COPZ1: variants seen among roughly 807,000 people sequenced by gnomAD.
The protein encoded by COPZ1 is coat protein complex I subunit zeta 1, also known as coatomer subunit zeta-1.
A neutral mutation model predicts 31.7 loss-of-function variants in COPZ1; 4 were observed. The ratio of observed to expected loss-of-function variants is 0.13; its 90% CI spans 0.06 to 0.29. The LOEUF is 0.29. Ranked by LOEUF, COPZ1 falls within the 10% of genes least tolerant of loss-of-function variation. The pLI is 1.00. For missense variants in COPZ1, 156 were observed against 211.5 expected (o/e 0.74, Z 1.63); for synonymous variants, 74 against 79.0 (o/e 0.94, Z 0.33).
intron 1 of COPZ1, among the ~76,000 whole-genome samples, chr12:54,336,049 G>GT (rs1466772100): frequency 4.6e-5 from 7 of 152,170 alleles, no homozygotes; most frequent in South Asian, 4.2e-4. Flanking sequence ...AGGCTTCTTG[G>GT]TTTTTTCCCC....
intron 1 of COPZ1, among the ~76,000 whole-genome samples, chr12:54,331,173 C>CTTTTT (rs1000222358): frequency 6.2e-4 from 50 of 80,278 alleles, no homozygotes; most frequent in South Asian, 8.8e-4. Flanking sequence ...TTTTCACACT[C>CTTTTT]TTTTTTTTTT....
At chr12:54,342,851 T>G (rs1311337678) in intron 3 of COPZ1, among the ~76,000 whole-genome samples, 2 of 128,158 alleles carry the variant, frequency 1.6e-5, no homozygotes, top group Admixed American at 8.9e-5. Flanking sequence ...TGGTAACGCC[T>G]TCTTTTTTTT....
At chr12:54,349,027 G>A (rs1954106192) in intron 7 of COPZ1, among the ~76,000 whole-genome samples, 1 of 152,188 alleles carries the variant, frequency 6.6e-6, no homozygotes, top group African/African-American at 2.4e-5. Flanking sequence ...AAGGCTGACA[G>A]TGCTTGGTAA....
At chr12:54,340,311 CTG>C (rs1314497099) in intron 1 of COPZ1, 68 of 565,924 alleles carry the variant, frequency 1.2e-4, no homozygotes, top group Non-Finnish European at 1.7e-4. Flanking sequence ...GTCAGAGAAA[CTG>C]TTTCTCTGAT....
intron 4 of COPZ1, 127 bp downstream of exon 4, chr12:54,343,443 G>C (rs1004060050): frequency 3.1e-5 from 23 of 735,480 alleles, no homozygotes; most frequent in Non-Finnish European, 4.7e-5. Flanking sequence ...TAATGAAGTT[G>C]TCAGAGATCC....
intron 8 of COPZ1, chr12:54,350,121 G>A: frequency 1.6e-6 from 1 of 628,058 alleles, no homozygotes; most frequent in Non-Finnish European, 2.8e-6. Flanking sequence ...GAAGGGAGGG[G>A]TTCCGTTTTC....
chr12:54,347,860 T>A lies in COPZ1; in HGVS notation c.395+16T>A. The A allele has an allele frequency of 3.1e-6, 5 of 1,612,588 alleles. No homozygotes were observed. Among genetic ancestry groups the A allele is most frequent in the Non-Finnish European group, 4.2e-6 (5 of 1,179,156 alleles). On this transcript the variant is annotated intron_variant, in intron 6 of 8. Coordinates refer to ENST00000262061, the MANE Select transcript of COPZ1 (RefSeq NM_016057.3). The stretch of plus-strand genomic sequence containing the variant: ...TAGATGGAGGGTAAGTTCTCTGACC[T>A]GCCTTGATCTTGGGTGAGGTGGCGG...
At chr12:54,350,194 C>T (rs1461626721) in intron 8 of COPZ1, 6 of 691,408 alleles carry the variant, frequency 8.7e-6, no homozygotes, top group Middle Eastern at 2.5e-4. Context: ...CTGCCCGCCG[C>T]CCCTTTTAAC....
intron 7 of COPZ1, among the ~76,000 whole-genome samples, chr12:54,348,331 T>C (rs1159661202): frequency 6.6e-6 from 1 of 152,218 alleles, no homozygotes; most frequent in Non-Finnish European, 1.5e-5. Flanking sequence ...AATGATAAAA[T>C]AAACTTTAAT....
intron 1 of COPZ1, among the ~76,000 whole-genome samples, chr12:54,330,465 T>G (rs188708610): frequency 6.6e-6 from 1 of 152,294 alleles, no homozygotes; most frequent in African/African-American, 2.4e-5. Flanking sequence ...CGTATTTATA[T>G]ATATTTTTTC....
In COPZ1 at chr12:54,345,033, A is replaced by G; in HGVS notation, c.262-427A>G. The stretch of plus-strand genomic sequence containing the variant: ...CCTCCGAAAGTGCTGGGATAGAGTC[A>G]GAGTCTAGACAGGGTCTAGACGTTA... On this transcript the variant is annotated intron_variant, in intron 4 of 8. Coordinates refer to ENST00000262061, the MANE Select transcript of COPZ1 (RefSeq NM_016057.3). 2 of 153,828 alleles carry G rather than the reference A, an allele frequency of 1.3e-5. 1 individual carries two copies. Among genetic ancestry groups the G allele is most frequent in the South Asian group, 4.0e-4 (2 of 4,992 alleles). The allele number at this position is 153,828 out of a possible 1,614,324, so 9.5% of individuals were successfully genotyped here.
intron 1 of COPZ1, among the ~76,000 whole-genome samples, chr12:54,326,958 ATTCTTTTTT>A (rs1953661069): frequency 5.2e-5 from 2 of 38,764 alleles, no homozygotes; most frequent in Non-Finnish European, 1.1e-4. Context: ...GTTAACAAGT[ATTCTTTTTT>A]TTTTTTTTTT....
At chr12:54,348,446 G>A (rs1399299630) in intron 7 of COPZ1, among the ~76,000 whole-genome samples, 2 of 152,118 alleles carry the variant, frequency 1.3e-5, no homozygotes, top group African/African-American at 4.8e-5. Flanking sequence ...GTCTTTTAAA[G>A]TGTTACATAG....
At chr12:54,330,468 A>T (rs926563434) in intron 1 of COPZ1, among the ~76,000 whole-genome samples, 2 of 151,896 alleles carry the variant, frequency 1.3e-5, no homozygotes, top group African/African-American at 2.4e-5. Context: ...ATTTATATAT[A>T]TTTTTTCCCT....
intron 7 of COPZ1, among the ~76,000 whole-genome samples, chr12:54,348,693 C>T (rs1467337452): frequency 6.6e-6 from 1 of 151,978 alleles, no homozygotes; most frequent in East Asian, 1.9e-4. Flanking sequence ...GCCGAGATTG[C>T]ACCACTGCAC....
intron 4 of COPZ1, chr12:54,345,182 A>G (rs1368907980): frequency 5.2e-6 from 2 of 387,120 alleles, no homozygotes; most frequent in South Asian, 3.2e-5. Context: ...CAGGTAACAC[A>G]TATACAGTTG....
At position 54,326,676 on chromosome 12, in the gene COPZ1, TGTGTAG is replaced by T. The variant is rs1205959514; in HGVS notation, c.18+1498_18+1503del. Among the ~76,000 whole-genome samples the T allele has an allele frequency of 1.5e-3, 201 of 136,748 alleles. 1 individual carries two copies. In the East Asian group the frequency reaches 0.026, roughly 18 times the overall value. 89.7% of individuals were successfully genotyped at this position (136,748 alleles called of 152,430 possible). ...GTGTGTGTGTGTGTGTGTGTGTGTG[TGTGTAG>T]GTAGGTAGGTAGTATAGTGTAGGAA... On this transcript the variant is annotated intron_variant, in intron 1 of 8. Transcript: ENST00000262061.
intron 2 of COPZ1, 123 bp downstream of exon 2, chr12:54,340,738 C>T: frequency 5.5e-6 from 5 of 912,738 alleles, no homozygotes; most frequent in Non-Finnish European, 7.9e-6. Flanking sequence ...ATACTTCCAT[C>T]TTTTTTTTTT....
intron 1 of COPZ1, among the ~76,000 whole-genome samples, chr12:54,339,984 T>C (rs1045637050): frequency 1.9e-4 from 17 of 89,482 alleles, no homozygotes; most frequent in South Asian, 1.3e-3. Flanking sequence ...CCTGTGCGTG[T>C]GTGTGTGTGT....
Sources: allele counts gnomAD v4.1 joint callset (sites outside exome capture counted in the v4.1 genomes callset), GRCh38; gene constraint gnomAD v4.1.1; transcripts MANE v1.5; gene names NCBI Gene and HGNC (gene_info 2026-07-23, HGNC 2026-07-21).